Variants in ITGA2 observed in about 807,000 individuals in gnomAD.
ITGA2 encodes integrin alpha-2.
ITGA2 carries 101 observed loss-of-function variants against 146.3 expected under a neutral mutation model. That is an observed-to-expected ratio of 0.69 (90% confidence interval 0.59 to 0.81). ITGA2 has a LOEUF of 0.81. Among genes scored for constraint, ITGA2 ranks in the 40% least tolerant of loss-of-function variants. The probability of loss-of-function intolerance (pLI) is 0.00; values close to 1 mark genes in which losing one functional copy is unlikely to be tolerated. For synonymous variants in ITGA2, 477 were observed against 487.1 expected (o/e 0.98, Z 0.27); for missense variants, 1,281 against 1,402.7 (o/e 0.91, Z 1.39).
At chr5:53,086,278 A>G in intron 27 of ITGA2, among the ~76,000 whole-genome samples, 1 of 152,226 alleles carries the variant, frequency 6.6e-6, no homozygotes, top group East Asian at 1.9e-4. Context: ...GTAAGTTACC[A>G]GTGACATCAG....
rs573953177 is a variant in ITGA2 at position 52,997,555 on chromosome 5, C to T, written c.64+8023C>T. ...TGAAAGGCGAGCAAAGCTATTGCAC[C>T]GATGGACGCCTTGAACATTGGCAGT... is the stretch of plus-strand genomic sequence containing the variant. On this transcript the variant is annotated intron_variant, in intron 1 of 29. Transcript: ENST00000296585. 7.2e-5 allele frequency among the ~76,000 whole-genome samples: 11 copies of T among 152,278 alleles called. 1 individual carries two copies. The South Asian group carries it at 1.7e-3, about 23-fold the overall frequency.
chr5:53,076,821 C>T (rs1745683885), intron 23 of ITGA2, among the ~76,000 whole-genome samples: 1 of 151,838 alleles, frequency 6.6e-6, no homozygotes, highest in South Asian at 2.1e-4. Flanking sequence ...TAAAATATAT[C>T]CTCAAAAAAA....
intron 23 of ITGA2, among the ~76,000 whole-genome samples, chr5:53,077,144 A>G (rs1268296908): frequency 2.0e-5 from 3 of 152,110 alleles, no homozygotes; most frequent in Admixed American, 2.0e-4. Flanking sequence ...TTTTCATATG[A>G]GGACATACAG....
chr5:53,071,904 C>A, intron 17 of ITGA2, 34 bp from the exon 18 acceptor site: 1 of 1,474,730 alleles, frequency 6.8e-7, no homozygotes, highest in Non-Finnish European at 9.5e-7. Context: ...CTGACTCTGT[C>A]TCCCCCTGTA....
In ITGA2 at chr5:53,092,094, A is replaced by G. The variant is rs796356790; in HGVS notation, c.*1495A>G. On this transcript the variant is annotated 3_prime_UTR_variant, in exon 30 of 30. Transcript: ENST00000296585. Reference sequence around the variant, plus strand: ...GGATGCAGATGGACCACACTTTGAGAAACACCACCCATTTCTACTTTTTGC... The same window carrying G: ...GGATGCAGATGGACCACACTTTGAGGAACACCACCCATTTCTACTTTTTGC... 8 of 152,342 alleles carry G rather than the reference A, an allele frequency of 5.3e-5. No homozygotes were observed. Among genetic ancestry groups the G allele is most frequent in the African/African-American group, 1.9e-4 (8 of 41,566 alleles). 9.4% of individuals were successfully genotyped at this position (152,342 alleles called of 1,614,324 possible). A position where few individuals can be genotyped will look rare whatever the true frequency, so the allele number is the denominator to read the frequency against.
chr5:53,061,110 G>T, intron 12 of ITGA2, 64 bp downstream of exon 12: 11 of 1,541,648 alleles, frequency 7.1e-6, no homozygotes, highest in Non-Finnish European at 9.9e-6. Flanking sequence ...GGGGAGTCAG[G>T]TGAACAGAAA....
At position 53,026,787 on chromosome 5, in the gene ITGA2, C is replaced by T. The variant is rs762860649; in HGVS notation, c.104C>T (p.Pro35Leu). 1.2e-6 allele frequency: 2 copies of T among 1,613,088 alleles called. No homozygotes were observed. The highest frequency in any genetic ancestry group is 1.7e-5 in the Admixed American group (1 of 59,996). The change falls in exon 2 of 30, where the codon CCA becomes CTA. Residue 35 changes from proline to leucine, a missense_variant. By Grantham distance (98) the Pro-to-Leu change is moderately conservative (BLOSUM62 -3). This residue lies in a region of ITGA2 where 795 missense variants were observed against 841.7 expected (regional missense o/e 0.94). Transcript: ENST00000296585. Reference sequence around the variant, plus strand: ...TGTTTGGCCTACAATGTTGGTCTCCCAGAAGCAAAAATATTTTCCGGTCCT... The same window carrying T: ...TGTTTGGCCTACAATGTTGGTCTCCTAGAAGCAAAAATATTTTCCGGTCCT... The part of the protein sequence containing the change: ...NCCLAYNVGL[P>L]EAKIFSGPSS...
At chr5:53,078,688 A>T in intron 23 of ITGA2, 84 bp from the exon 24 acceptor site, 1 of 799,098 alleles carries the variant, frequency 1.3e-6, no homozygotes, top group South Asian at 1.5e-5. Context: ...AACCTAAGCT[A>T]TAAGATACTT....
At position 53,018,996 on chromosome 5, in the gene ITGA2, G is replaced by A. The variant is rs192383975; in HGVS notation, c.65-7752G>A. Among the ~76,000 whole-genome samples, 16 of 152,124 alleles carry A rather than the reference G, an allele frequency of 1.1e-4. No homozygotes were observed. The East Asian group carries it at 2.1e-3, about 20-fold the overall frequency. On this transcript the variant is annotated intron_variant, in intron 1 of 29. Coordinates refer to ENST00000296585, the MANE Select transcript of ITGA2 (RefSeq NM_002203.4). ...TGAGAATTGCTTGAACCCGGGAGGC[G>A]GAGGTTGCAGTGAGCGGAGATCGTG...
At chr5:52,994,264 A>T (rs6883028) in intron 1 of ITGA2, among the ~76,000 whole-genome samples, 28,777 of 152,214 alleles carry the variant, frequency 0.19, 2,832 homozygotes, top group African/African-American at 0.22. Flanking sequence ...AAATCCAAAC[A>T]TGGGGAAAGG....
intron 1 of ITGA2, among the ~76,000 whole-genome samples, chr5:53,005,580 C>CAAAAA (rs5867858): frequency 7.3e-6 from 1 of 137,312 alleles, no homozygotes. Context: ...GACTCTGTGT[C>CAAAAA]AAAAAAAAAA....
rs773653409 is a variant in ITGA2 at position 53,048,487 on chromosome 5, T to G, written c.502+10T>G. ...TCACCTGCAACTCAGCGTAAGTTAT[T>G]AATGTGCAGATGGTCTGAGCAATGC... On this transcript the variant is annotated intron_variant, in intron 5 of 29. Coordinates refer to ENST00000296585, the MANE Select transcript of ITGA2 (RefSeq NM_002203.4). The G allele has an allele frequency of 6.2e-7, 1 of 1,613,294 alleles. No individual in the cohort carries two copies. Among genetic ancestry groups the G allele is most frequent in the Non-Finnish European group, 8.5e-7 (1 of 1,179,258 alleles).
chr5:53,026,231 C>T (rs938895226), intron 1 of ITGA2, among the ~76,000 whole-genome samples: 3 of 152,098 alleles, frequency 2.0e-5, no homozygotes, highest in African/African-American at 4.8e-5. Flanking sequence ...AATGCCTTTT[C>T]GACAGATGTT....
intron 2 of ITGA2, among the ~76,000 whole-genome samples, chr5:53,027,276 A>G (rs77562653): frequency 3.8e-4 from 58 of 152,198 alleles, no homozygotes; most frequent in Non-Finnish European, 1.3e-4. Flanking sequence ...ATTGTTTCCT[A>G]CATTTTTTTC....
intron 1 of ITGA2, among the ~76,000 whole-genome samples, chr5:53,019,234 T>C (rs908947696): frequency 1.3e-5 from 2 of 152,198 alleles, no homozygotes; most frequent in Non-Finnish European, 2.9e-5. Flanking sequence ...GTAATTCATA[T>C]AAATAAGCAA....
At chr5:53,068,778 T>C (rs1368922644) in intron 16 of ITGA2, among the ~76,000 whole-genome samples, 7 of 151,724 alleles carry the variant, frequency 4.6e-5, no homozygotes, top group Non-Finnish European at 7.4e-5. Context: ...ATAAAGCATA[T>C]GGTTTCTATC....
intron 7 of ITGA2, among the ~76,000 whole-genome samples, chr5:53,051,969 T>C (rs1744391327): frequency 6.6e-6 from 1 of 152,094 alleles, no homozygotes; most frequent in Non-Finnish European, 1.5e-5. Context: ...CGAGTTTAAG[T>C]TTATTATGCT....
chr5:53,061,231 T>C (rs1459417933), intron 12 of ITGA2, among the ~76,000 whole-genome samples, 185 bp downstream of exon 12: 1 of 151,908 alleles, frequency 6.6e-6, no homozygotes, highest in Non-Finnish European at 1.5e-5. Context: ...GCCCTCCCTT[T>C]TGACAACTTA....
intron 23 of ITGA2, among the ~76,000 whole-genome samples, chr5:53,075,843 A>G (rs1254382719): frequency 3.3e-5 from 5 of 151,904 alleles, no homozygotes; most frequent in Non-Finnish European, 5.9e-5. Flanking sequence ...CTCACATATC[A>G]GATTAGGGTT....
Sources: allele counts gnomAD v4.1 joint callset (sites outside exome capture counted in the v4.1 genomes callset), GRCh38; gene constraint gnomAD v4.1.1; regional missense constraint gnomAD v4.1.1; transcripts MANE v1.5; gene names NCBI Gene and HGNC (gene_info 2026-07-23, HGNC 2026-07-21).